BACE2: variants seen among roughly 807,000 people sequenced by gnomAD.
The protein encoded by BACE2 is beta-secretase 2, also known as 56 kDa aspartic-like protease.
BACE2 carries 17 observed loss-of-function variants against 46.2 expected under a neutral mutation model. That is an observed-to-expected ratio of 0.37 (90% confidence interval 0.25 to 0.55). The LOEUF (loss-of-function observed/expected upper bound fraction) is 0.55. Among genes scored for constraint, BACE2 ranks in the 20% least tolerant of loss-of-function variants. The pLI, the probability that BACE2 is intolerant of heterozygous loss-of-function variation, is 0.82. For synonymous variants in BACE2, 277 were observed against 295.9 expected (o/e 0.94, Z 0.66); for missense variants, 595 against 698.1 (o/e 0.85, Z 1.66).
chr21:41,250,921 C>T lies in BACE2; in HGVS notation c.1134+20C>T, dbSNP rs2123617931. On this transcript the variant is annotated intron_variant, in intron 7 of 8. Transcript: ENST00000330333. ...CCTCAGGTATGAACTTGGATTTGTG[C>T]TTTGCTCTTTTTATCATGCAAAAGA... 1 of 1,611,896 alleles carries T rather than the reference C, an allele frequency of 6.2e-7. No individual in the cohort carries two copies. The highest frequency in any genetic ancestry group is 1.7e-5 in the Admixed American group (1 of 59,790).
chr21:41,181,706 C>T (rs62217945), intron 1 of BACE2: 16,649 of 166,946 alleles, frequency 0.1, 900 homozygotes, highest in Middle Eastern at 0.23. Flanking sequence ...AGGGGGGATC[C>T]ACTAAGTGGG....
chr21:41,200,201 A>C (rs1268748095), intron 1 of BACE2, among the ~76,000 whole-genome samples: 2 of 146,854 alleles, frequency 1.4e-5, no homozygotes, highest in East Asian at 2.0e-4. Context: ...AAAAAAAAAA[A>C]CAAAAAAAAA....
chr21:41,252,153 G>C (rs773073840), intron 7 of BACE2, among the ~76,000 whole-genome samples: 1 of 152,102 alleles, frequency 6.6e-6, no homozygotes. Context: ...TGAGTAAGCA[G>C]TGCGTCCCCA....
At chr21:41,217,355 C>G (rs952237071) in intron 1 of BACE2, among the ~76,000 whole-genome samples, 1 of 152,238 alleles carries the variant, frequency 6.6e-6, no homozygotes, top group Non-Finnish European at 1.5e-5. Flanking sequence ...GTCCTCTTCT[C>G]AAGCCCTAGT....
chr21:41,189,051 T>C (rs1319829627), intron 1 of BACE2, among the ~76,000 whole-genome samples: 1 of 152,230 alleles, frequency 6.6e-6, no homozygotes, highest in Non-Finnish European at 1.5e-5. Flanking sequence ...CACATTATCT[T>C]CCCGATGCTG....
At chr21:41,269,247 C>T (rs1016846748) in intron 8 of BACE2, among the ~76,000 whole-genome samples, 3 of 152,204 alleles carry the variant, frequency 2.0e-5, no homozygotes, top group South Asian at 2.1e-4. Context: ...AGCCACCGAG[C>T]CTGGCCTCGG....
intron 8 of BACE2, among the ~76,000 whole-genome samples, chr21:41,262,129 A>G (rs946244002): frequency 6.6e-6 from 1 of 152,130 alleles, no homozygotes; most frequent in Non-Finnish European, 1.5e-5. Flanking sequence ...TGTCCCCAGA[A>G]TGTTTTCATT....
chr21:41,244,603 C>G (rs192173989), intron 5 of BACE2, among the ~76,000 whole-genome samples: 1 of 146,100 alleles, frequency 6.8e-6, no homozygotes, highest in Non-Finnish European at 1.5e-5. Context: ...AGGCAGGAAC[C>G]GGCCATTTTC....
intron 1 of BACE2, chr21:41,183,421 T>C (rs571189856): frequency 6.0e-6 from 1 of 167,146 alleles, no homozygotes; most frequent in African/African-American, 2.4e-5. Flanking sequence ...CATGTACATA[T>C]ACCCAAAAAC....
chr21:41,176,525 C>G (rs1042844724), intron 1 of BACE2: 1 of 152,240 alleles, frequency 6.6e-6, no homozygotes, highest in African/African-American at 2.4e-5. Context: ...TATTTGGAGG[C>G]CACTGCAGAG....
At chr21:41,269,533 G>A (rs767767380) in intron 8 of BACE2, among the ~76,000 whole-genome samples, 39 of 152,242 alleles carry the variant, frequency 2.6e-4, no homozygotes, top group South Asian at 1.7e-3. Context: ...AACCACTGAC[G>A]TGCCTTCTGT....
intron 8 of BACE2, among the ~76,000 whole-genome samples, chr21:41,258,241 G>A (rs909744995): frequency 6.6e-5 from 10 of 152,134 alleles, no homozygotes; most frequent in African/African-American, 2.4e-4. Context: ...TTAAGTGTGA[G>A]GTCAAAAAAG....
intron 7 of BACE2, among the ~76,000 whole-genome samples, chr21:41,255,946 A>T (rs1444766051): frequency 6.6e-6 from 1 of 152,212 alleles, no homozygotes; most frequent in African/African-American, 2.4e-5. Flanking sequence ...ATATTTTGAA[A>T]TTGCCCTGCA....
Position 41,279,060 on chromosome 21 carries a change from T to G in BACE2, c.*3436T>G, listed in dbSNP as rs988130420. ...TTTTTTGAAAAACGACGCAACACCA[T>G]AAAGTGTAAAATTAGGGGTTCTGGC... is the stretch of plus-strand genomic sequence containing the variant. On this transcript the variant is annotated 3_prime_UTR_variant, in exon 9 of 9. Coordinates refer to ENST00000330333, the MANE Select transcript of BACE2 (RefSeq NM_012105.5). 6.6e-6 allele frequency: 1 copy of G among 152,056 alleles called. No homozygotes were observed. The highest frequency in any genetic ancestry group is 1.5e-5 in the Non-Finnish European group (1 of 68,018). 9.4% of individuals were successfully genotyped at this position (152,056 alleles called of 1,614,324 possible).
intron 1 of BACE2, chr21:41,182,593 C>T (rs948531741): frequency 6.0e-6 from 1 of 167,020 alleles, no homozygotes; most frequent in African/African-American, 2.4e-5. Flanking sequence ...ACATAAAATC[C>T]ATAGACAAAT....
chr21:41,169,652 C>T (rs1329194398), intron 1 of BACE2, among the ~76,000 whole-genome samples: 1 of 152,098 alleles, frequency 6.6e-6, no homozygotes, highest in South Asian at 2.1e-4. Context: ...GTATAATTCT[C>T]ATTAAATTAT....
At chr21:41,243,059 G>T (rs999127372) in intron 4 of BACE2, among the ~76,000 whole-genome samples, 2 of 152,056 alleles carry the variant, frequency 1.3e-5, no homozygotes, top group African/African-American at 4.8e-5. Context: ...GACTACAGGT[G>T]CGCGCCACCT....
rs553361330 is a variant in BACE2 at position 41,255,282 on chromosome 21, T to C, written c.1135-1876T>C. Among the ~76,000 whole-genome samples, 5 of 152,002 alleles carry C rather than the reference T, an allele frequency of 3.3e-5. No homozygotes were observed. The South Asian group carries it at 1.0e-3, about 32-fold the overall frequency. On this transcript the variant is annotated intron_variant, in intron 7 of 8. Transcript: ENST00000330333. ...CAGGTCTGGGCTGGAGAGGAGGAGT[T>C]GGGAGTCTCAGGCTAGATCACGGGG...
chr21:41,200,420 T>C (rs1371564565), intron 1 of BACE2, among the ~76,000 whole-genome samples: 2 of 152,196 alleles, frequency 1.3e-5, no homozygotes, highest in African/African-American at 4.8e-5. Flanking sequence ...CAAGCGAATG[T>C]GGACTCCGCT....
Sources: gnomAD v4.1 joint callset for allele counts (sites outside exome capture counted in the v4.1 genomes callset) on GRCh38, gnomAD v4.1.1 for gene constraint, MANE v1.5 for transcripts, NCBI Gene and HGNC (gene_info 2026-07-23, HGNC 2026-07-21) for gene names.